Variants in CLIP4 observed in about 807,000 individuals in gnomAD.
The protein encoded by CLIP4 is CAP-Gly domain-containing linker protein 4.
CLIP4 carries 47 observed loss-of-function variants against 73.1 expected under a neutral mutation model. The observed-to-expected ratio is 0.64, with a 90% CI of 0.51 to 0.82. The LOEUF (loss-of-function observed/expected upper bound fraction) is 0.82. CLIP4 is among the 40% of genes least tolerant of loss of function. The probability of loss-of-function intolerance (pLI) is 0.00; values close to 1 mark genes in which losing one functional copy is unlikely to be tolerated. For synonymous variants in CLIP4, 306 were observed against 295.4 expected, an observed-to-expected ratio of 1.04 and a Z score of -0.37; for missense variants, 874 against 852.9, an observed-to-expected ratio of 1.02 and a Z score of -0.31.
In CLIP4 at chr2:29,121,491, A is replaced by G. The variant is rs1664244814; in HGVS notation, c.103A>G (p.Ile35Val). The change falls in exon 2 of 16, where the codon ATT becomes GTT. Residue 35 changes from isoleucine to valine, a missense_variant. Coordinates refer to ENST00000320081, the MANE Select transcript of CLIP4 (RefSeq NM_024692.6). ...SASDTPVIFS[I>V]SAAPMPSDCE... ...TTCTGATACCCCAGTTATCTTTTCC[A>G]TTTCTGCAGCACCAATGCCTTCAGA... 13 of 1,613,644 alleles carry G rather than the reference A, an allele frequency of 8.1e-6. No individual in the cohort carries two copies. The highest frequency in any genetic ancestry group is 1.0e-5 in the Non-Finnish European group (12 of 1,179,834).
At chr2:29,140,965 G>A (rs371533707) in intron 6 of CLIP4, among the ~76,000 whole-genome samples, 170 of 152,220 alleles carry the variant, frequency 1.1e-3, no homozygotes, top group African/African-American at 3.5e-3. Flanking sequence ...TGATACAGGC[G>A]TTTTGTACTT....
At chr2:29,104,744 C>T (rs769683828) in intron 1 of CLIP4, among the ~76,000 whole-genome samples, 3 of 152,170 alleles carry the variant, frequency 2.0e-5, no homozygotes, top group Admixed American at 6.5e-5. Flanking sequence ...TGCAAAGATG[C>T]CAGGCGATTG....
At chr2:29,138,181 T>G (rs934599215) in intron 6 of CLIP4, among the ~76,000 whole-genome samples, 3 of 152,182 alleles carry the variant, frequency 2.0e-5, no homozygotes, top group Non-Finnish European at 4.4e-5. Context: ...TTAATTTTTG[T>G]ATATAGTGAG....
At chr2:29,136,800 C>T (rs1339041251) in intron 6 of CLIP4, among the ~76,000 whole-genome samples, 3 of 151,812 alleles carry the variant, frequency 2.0e-5, no homozygotes, top group African/African-American at 7.3e-5. Flanking sequence ...AGGGGGGAGG[C>T]GTTTGCTTTT....
intron 12 of CLIP4, among the ~76,000 whole-genome samples, chr2:29,163,600 C>A (rs2148063172): frequency 6.6e-6 from 1 of 152,190 alleles, no homozygotes; most frequent in Admixed American, 6.5e-5. Context: ...TTTTATTTTC[C>A]TCCTTTAATG....
At chr2:29,164,335 C>G (rs1488223515) in intron 13 of CLIP4, among the ~76,000 whole-genome samples, 1 of 152,220 alleles carries the variant, frequency 6.6e-6, no homozygotes, top group East Asian at 1.9e-4. Context: ...GCACCCCATT[C>G]ATTCTCCTAC....
chr2:29,137,271 A>G (rs1572923554), intron 6 of CLIP4, among the ~76,000 whole-genome samples: 1 of 152,132 alleles, frequency 6.6e-6, no homozygotes, highest in Non-Finnish European at 1.5e-5. Context: ...ATAAGTGAGA[A>G]CATGCATTAT....
intron 8 of CLIP4, among the ~76,000 whole-genome samples, chr2:29,148,411 C>T (rs921886871): frequency 5.9e-5 from 9 of 152,044 alleles, no homozygotes; most frequent in African/African-American, 1.9e-4. Context: ...AATTCTCATA[C>T]CTATTAGATT....
intron 8 of CLIP4, among the ~76,000 whole-genome samples, chr2:29,148,167 AG>A (rs1268087388): frequency 1.3e-5 from 2 of 152,170 alleles, no homozygotes; most frequent in Admixed American, 1.3e-4. Flanking sequence ...AAATGGGTAT[AG>A]CCCTTGACAG....
chr2:29,140,924 A>G (rs1396337641), intron 6 of CLIP4, among the ~76,000 whole-genome samples: 1 of 152,094 alleles, frequency 6.6e-6, no homozygotes, highest in Non-Finnish European at 1.5e-5. Context: ...CTTAGGTGCA[A>G]TGTTAGGTTG....
intron 2 of CLIP4, among the ~76,000 whole-genome samples, chr2:29,128,449 CA>C (rs577116107): frequency 4.1e-5 from 6 of 148,118 alleles, no homozygotes; most frequent in Non-Finnish European, 6.0e-5. Flanking sequence ...AAAACAAAAA[CA>C]AAAAAAAACA....
intron 14 of CLIP4, 49 bp from the exon 15 acceptor site, chr2:29,174,324 G>T (rs199654416): frequency 5.9e-6 from 8 of 1,364,252 alleles, no homozygotes; most frequent in Admixed American, 3.9e-5. Context: ...TTTAAATAAG[G>T]ACTGAAAGCT....
At position 29,133,795 on chromosome 2, in the gene CLIP4, T is replaced by C. The variant is rs1472466735; in HGVS notation, c.508T>C (p.Leu170=). 6 of 1,607,562 alleles carry C rather than the reference T, an allele frequency of 3.7e-6. No homozygotes were observed. In the East Asian group the frequency reaches 1.3e-4, roughly 36 times the overall value. ...FDVPELIRVI[L]KTSKPKDVDA... is the part of the protein sequence containing the mutation. ...TGTCCCTGAACTTATAAGAGTGATT[T>C]TGAAAACATCGAAACCAAAAGGCAA... The change falls in exon 5 of 16, where the codon TTG becomes CTG. Residue 170 remains leucine, a synonymous_variant. Coordinates refer to ENST00000320081, the MANE Select transcript of CLIP4 (RefSeq NM_024692.6).
intron 1 of CLIP4, among the ~76,000 whole-genome samples, chr2:29,107,001 C>T (rs980559954): frequency 2.6e-5 from 4 of 152,188 alleles, no homozygotes; most frequent in African/African-American, 9.7e-5. Context: ...ATGAATGCTG[C>T]TTTTGTCACA....
intron 13 of CLIP4, 71 bp from the exon 14 acceptor site, chr2:29,167,404 AC>A: frequency 9.6e-7 from 1 of 1,041,762 alleles, no homozygotes; most frequent in Admixed American, 2.4e-5. Flanking sequence ...GGTGTGAAAA[AC>A]TTAGTTGATA....
Position 29,176,992 on chromosome 2 carries a change from T to C in CLIP4, c.1796+2547T>C, listed in dbSNP as rs117582976. On this transcript the variant is annotated intron_variant, in intron 15 of 15. Coordinates refer to ENST00000320081, the MANE Select transcript of CLIP4 (RefSeq NM_024692.6). ...AACACAGAATGAAGTCCAGATTTAT[T>C]GGCCTAGCATTCGAAGACCTACACG... 4.6e-4 allele frequency among the ~76,000 whole-genome samples: 70 copies of C among 152,050 alleles called. 1 individual carries two copies. The East Asian group carries it at 0.012, about 25-fold the overall frequency.
chr2:29,164,216 A>G (rs1287021830), intron 13 of CLIP4, among the ~76,000 whole-genome samples: 1 of 152,186 alleles, frequency 6.6e-6, no homozygotes, highest in African/African-American at 2.4e-5. Context: ...TGGCGTTTGC[A>G]GCTAAGTACA....
At chr2:29,167,842 C>T (rs183305676) in intron 14 of CLIP4, 1 of 226,074 alleles carries the variant, frequency 4.4e-6, no homozygotes, top group Non-Finnish European at 8.5e-6. Context: ...TTTTTGTCAC[C>T]CATATATAGA....
chr2:29,150,607 G>A (rs1480852388), intron 8 of CLIP4, among the ~76,000 whole-genome samples: 1 of 144,254 alleles, frequency 6.9e-6, no homozygotes, highest in African/African-American at 2.6e-5. Context: ...TTCACATAAT[G>A]TAATCAAATA....
Sources: gnomAD v4.1 joint callset for allele counts (sites outside exome capture counted in the v4.1 genomes callset) on GRCh38, gnomAD v4.1.1 for gene constraint, MANE v1.5 for transcripts, NCBI Gene and HGNC (gene_info 2026-07-23, HGNC 2026-07-21) for gene names.